Variants in CACNA2D3 observed in about 807,000 individuals in gnomAD.
CACNA2D3 encodes voltage-dependent calcium channel subunit alpha-2/delta-3.
Under a neutral mutation model 160.6 loss-of-function variants are expected in CACNA2D3, and 60 were observed. That is an observed-to-expected ratio of 0.37 (90% CI 0.30 to 0.46). The LOEUF (loss-of-function observed/expected upper bound fraction) is 0.46, where lower values mean the gene tolerates loss of function less well. CACNA2D3 is among the 20% of genes least tolerant of loss of function. The probability of loss-of-function intolerance (pLI) is 1.00; values close to 1 mark genes in which losing one functional copy is unlikely to be tolerated. For synonymous variants in CACNA2D3, 558 were observed against 492.9 expected (o/e 1.13, Z -1.75); for missense variants, 1,205 against 1,365.0 (o/e 0.88, Z 1.85).
intron 29 of CACNA2D3, among the ~76,000 whole-genome samples, 170 bp from the exon 30 acceptor site, chr3:54,984,438 C>T (rs1349461591): frequency 2.0e-5 from 3 of 152,132 alleles, no homozygotes; most frequent in East Asian, 1.9e-4. Context: ...TTATCTTAAC[C>T]GTGGCCTTAA....
intron 11 of CACNA2D3, among the ~76,000 whole-genome samples, chr3:54,715,259 A>G (rs1381892502): frequency 6.6e-6 from 1 of 152,186 alleles, no homozygotes; most frequent in Non-Finnish European, 1.5e-5. Flanking sequence ...CACGTTTATT[A>G]TAAAGGATAT....
intron 4 of CACNA2D3, among the ~76,000 whole-genome samples, chr3:54,463,562 G>T (rs916182545): frequency 2.6e-5 from 4 of 151,854 alleles, no homozygotes; most frequent in African/African-American, 7.3e-5. Context: ...CCAGTTGATC[G>T]CATCGGCTCC....
intron 9 of CACNA2D3, among the ~76,000 whole-genome samples, chr3:54,610,227 G>A (rs985736961): frequency 6.6e-6 from 1 of 152,094 alleles, no homozygotes; most frequent in African/African-American, 2.4e-5. Context: ...ACATTCTAAG[G>A]TACTGGGGTT....
chr3:54,568,756 G>A (rs1282367625), intron 6 of CACNA2D3, among the ~76,000 whole-genome samples: 1 of 152,200 alleles, frequency 6.6e-6, no homozygotes, highest in East Asian at 1.9e-4. Flanking sequence ...CACATGTGCA[G>A]TGGGAAATGT....
rs995994928 is a variant in CACNA2D3, at chr3:54,441,461, C to A, written c.381+54687C>A. ...TGCCTGTTCACTCTGATGGTAGTTTCTTTTGCTGTGCAGAAGCTGTTTAGT... is the reference window on the plus strand; with the variant it reads ...TGCCTGTTCACTCTGATGGTAGTTTATTTTGCTGTGCAGAAGCTGTTTAGT... On this transcript the variant is annotated intron_variant, in intron 4 of 37. Transcript: ENST00000474759. Among the ~76,000 whole-genome samples, 3 of 152,232 alleles carry A rather than the reference C, an allele frequency of 2.0e-5. No individual in the cohort carries two copies. The South Asian group carries it at 6.2e-4, about 32-fold the overall frequency.
intron 2 of CACNA2D3, among the ~76,000 whole-genome samples, chr3:54,303,029 G>A (rs1420391199): frequency 6.6e-5 from 10 of 151,992 alleles, no homozygotes; most frequent in Non-Finnish European, 1.3e-4. Flanking sequence ...CATCCTTTCC[G>A]TTGTGGTAAC....
At chr3:54,468,128 T>G (rs778465776) in intron 4 of CACNA2D3, among the ~76,000 whole-genome samples, 4 of 152,160 alleles carry the variant, frequency 2.6e-5, no homozygotes, top group Non-Finnish European at 5.9e-5. Context: ...CAGGTTCTCT[T>G]GGAGGTGGCT....
chr3:54,176,010 G>A (rs1458887915), intron 2 of CACNA2D3, among the ~76,000 whole-genome samples: 4 of 152,216 alleles, frequency 2.6e-5, no homozygotes, highest in Admixed American at 6.5e-5. Flanking sequence ...GAAGGGACTG[G>A]AGGGAACTGT....
At chr3:54,568,657 T>A (rs1267345851) in intron 6 of CACNA2D3, among the ~76,000 whole-genome samples, 2 of 152,226 alleles carry the variant, frequency 1.3e-5, no homozygotes, top group Non-Finnish European at 2.9e-5. Flanking sequence ...AGTTGTATTT[T>A]ATCTTTATTA....
Position 54,969,261 on chromosome 3 carries a change from A to ATT in CACNA2D3, c.2512-539_2512-538insTT, listed in dbSNP as rs139722160. Among the ~76,000 whole-genome samples, 732 of 127,814 alleles carry ATT rather than the reference A, an allele frequency of 5.7e-3. 15 individuals are homozygous for ATT. The highest frequency in any genetic ancestry group is 0.019 in the African/African-American group (694 of 36,186). 83.9% of individuals were successfully genotyped at this position (127,814 alleles called of 152,430 possible). A position where few individuals can be genotyped will look rare whatever the true frequency, so the allele number is the denominator to read the frequency against. On this transcript the variant is annotated intron_variant, in intron 28 of 37. Coordinates refer to ENST00000474759, the MANE Select transcript of CACNA2D3 (RefSeq NM_018398.3). ...ACTGTTTAATGACAACATAAAGTAG[A>ATT]CTTTTTTTTTTTTTTTTTGAGATAG... is the stretch of plus-strand genomic sequence containing the variant.
At chr3:54,317,387 G>C (rs990356626) in intron 2 of CACNA2D3, among the ~76,000 whole-genome samples, 1 of 152,180 alleles carries the variant, frequency 6.6e-6, no homozygotes, top group Non-Finnish European at 1.5e-5. Flanking sequence ...ATTTACAAGA[G>C]AAGAGTTCTA....
At chr3:54,324,580 C>T (rs779979280) in intron 3 of CACNA2D3, among the ~76,000 whole-genome samples, 7 of 152,048 alleles carry the variant, frequency 4.6e-5, no homozygotes, top group African/African-American at 9.7e-5. Flanking sequence ...TTCACACCCA[C>T]GCAGAGGCTA....
intron 18 of CACNA2D3, chr3:54,878,647 G>T: frequency 1.3e-5 from 2 of 156,584 alleles, no homozygotes; most frequent in Non-Finnish European, 1.4e-5. Flanking sequence ...TTTGAAAAGT[G>T]ATTTCTCCAT....
chr3:54,585,199 T>C (rs1702739124), intron 9 of CACNA2D3, among the ~76,000 whole-genome samples: 1 of 152,200 alleles, frequency 6.6e-6, no homozygotes, highest in Non-Finnish European at 1.5e-5. Flanking sequence ...TGATACCCAA[T>C]GTTTATGGAT....
At chr3:54,482,086 G>A (rs1700942232) in intron 4 of CACNA2D3, among the ~76,000 whole-genome samples, 1 of 152,166 alleles carries the variant, frequency 6.6e-6, no homozygotes, top group Non-Finnish European at 1.5e-5. Context: ...AATTACATTT[G>A]CTATATTTGG....
intron 2 of CACNA2D3, among the ~76,000 whole-genome samples, chr3:54,296,978 A>G (rs560553743): frequency 1.2e-4 from 18 of 152,282 alleles, no homozygotes; most frequent in Non-Finnish European, 1.8e-4. Context: ...ACCTCAGGGA[A>G]TACCTCCTCC....
chr3:54,718,688 G>C (rs1327678218), intron 11 of CACNA2D3, among the ~76,000 whole-genome samples: 2 of 151,976 alleles, frequency 1.3e-5, no homozygotes, highest in Non-Finnish European at 2.9e-5. Context: ...AAATTTTAGA[G>C]TCAATTTATT....
At chr3:55,033,818 T>TACATAA (rs1703745153) in intron 35 of CACNA2D3, among the ~76,000 whole-genome samples, 1 of 112,954 alleles carries the variant, frequency 8.9e-6, no homozygotes, top group Non-Finnish European at 1.8e-5. Flanking sequence ...TATTATATAT[T>TACATAA]AAATATATTT....
chr3:54,226,312 C>CTTTTTTTTTT (rs10677482), intron 2 of CACNA2D3, among the ~76,000 whole-genome samples: 2 of 106,884 alleles, frequency 1.9e-5, no homozygotes, highest in Admixed American at 1.1e-4. Context: ...GCCCCTGATG[C>CTTTTTTTTTT]TTTTTTTTTT....
Sources: gnomAD v4.1 joint callset for allele counts (sites outside exome capture counted in the v4.1 genomes callset) on GRCh38, gnomAD v4.1.1 for gene constraint, MANE v1.5 for transcripts, NCBI Gene and HGNC (gene_info 2026-07-23, HGNC 2026-07-21) for gene names.